The following DIAPH2 variants were observed in gnomAD, a reference collection of about 807,000 sequenced individuals.
DIAPH2 encodes the protein protein diaphanous homolog 2.
Under a neutral mutation model 92.7 loss-of-function variants are expected in DIAPH2, and 35 were observed. The ratio of observed to expected loss-of-function variants is 0.38; its 90% CI spans 0.29 to 0.50. The LOEUF (loss-of-function observed/expected upper bound fraction) is 0.50. DIAPH2 is among the 20% of genes least tolerant of loss of function. DIAPH2 has a pLI of 0.94. For synonymous variants in DIAPH2, 301 were observed against 280.4 expected (o/e 1.07, Z -0.73); for missense variants, 701 against 819.5 (o/e 0.86, Z 1.77).
chrX:97,464,437 A>G (rs1165421685), intron 26 of DIAPH2, among the ~76,000 whole-genome samples: 1 of 110,171 alleles, frequency 9.1e-6, no homozygotes, highest in Non-Finnish European at 1.9e-5. Flanking sequence ...AGATCGCGCC[A>G]TTGGTTTCCT....
chrX:96,855,583 A>G (rs868605649), intron 4 of DIAPH2, among the ~76,000 whole-genome samples: 1 of 108,955 alleles, frequency 9.2e-6, no homozygotes, highest in African/African-American at 3.3e-5. Flanking sequence ...TATAAATATA[A>G]ATATAGATAT....
At chrX:96,992,747 G>C (rs1303540505) in intron 17 of DIAPH2, among the ~76,000 whole-genome samples, 1 of 112,061 alleles carries the variant, frequency 8.9e-6, no homozygotes. Context: ...TACAGCTCAG[G>C]GAATAAGATG....
In DIAPH2 at chrX:96,763,059, T is replaced by G; in HGVS notation, c.447+4801T>G. On this transcript the variant is annotated intron_variant, in intron 4 of 26. Coordinates refer to ENST00000324765, the MANE Select transcript of DIAPH2 (RefSeq NM_006729.5). ...ACTAATATTGTTGCTGTTTGTTTTT[T>G]TTTTACACCATAACCACTCTTCGTT... The G allele has an allele frequency of 3.2e-6, 3 of 945,657 alleles. No homozygotes were observed. In the South Asian group the frequency reaches 6.6e-5, roughly 21 times the overall value. 77.9% of individuals were successfully genotyped at this position (945,657 alleles called of 1,213,427 possible). A position where few individuals can be genotyped will look rare whatever the true frequency, so the allele number is the denominator to read the frequency against.
At chrX:97,264,390 G>A (rs2068316983) in intron 23 of DIAPH2, among the ~76,000 whole-genome samples, 1 of 110,900 alleles carries the variant, frequency 9.0e-6, no homozygotes, top group South Asian at 3.8e-4. Flanking sequence ...CAGTCATTCT[G>A]TGTACATATA....
chrX:97,237,736 C>T lies in DIAPH2; in HGVS notation c.2720-9979C>T, dbSNP rs113404421. 2.4e-3 allele frequency among the ~76,000 whole-genome samples: 270 copies of T among 110,399 alleles called. 2 individuals are homozygous for T. The highest frequency in any genetic ancestry group is 8.3e-3 in the African/African-American group (251 of 30,363). Reference sequence around the variant, plus strand: ...AGCTGGTACCACAGGCGCCTGCCACCGCGCCTGGCTAATTTTTTGTATTTT... The same window carrying T: ...AGCTGGTACCACAGGCGCCTGCCACTGCGCCTGGCTAATTTTTTGTATTTT... On this transcript the variant is annotated intron_variant, in intron 22 of 26. Coordinates refer to ENST00000324765, the MANE Select transcript of DIAPH2 (RefSeq NM_006729.5).
intron 23 of DIAPH2, among the ~76,000 whole-genome samples, chrX:97,267,709 C>T (rs190735853): frequency 8.9e-6 from 1 of 111,902 alleles, no homozygotes; most frequent in Non-Finnish European, 1.9e-5. Flanking sequence ...ATGGAAAACT[C>T]ATGTCACAGC....
At chrX:97,502,301 A>G (rs977392043) in intron 26 of DIAPH2, among the ~76,000 whole-genome samples, 8 of 112,335 alleles carry the variant, frequency 7.1e-5, no homozygotes, top group Middle Eastern at 4.2e-3. Context: ...TAAAGGCTTC[A>G]TATTGCATTT....
intron 4 of DIAPH2, among the ~76,000 whole-genome samples, chrX:96,865,398 A>G (rs1037346620): frequency 8.9e-6 from 1 of 112,205 alleles, no homozygotes; most frequent in Non-Finnish European, 1.9e-5. Flanking sequence ...AAGAGGGGAT[A>G]TTTGAATGAT....
intron 23 of DIAPH2, among the ~76,000 whole-genome samples, chrX:97,343,761 T>C (rs2069133570): frequency 9.0e-6 from 1 of 111,089 alleles, no homozygotes. Context: ...AAACTTTTCA[T>C]TTCTGTGTCA....
intron 22 of DIAPH2, among the ~76,000 whole-genome samples, chrX:97,179,304 T>C (rs1428160513): frequency 9.4e-6 from 1 of 106,365 alleles, no homozygotes; most frequent in Non-Finnish European, 1.9e-5. Context: ...GTTTGTTACA[T>C]AGGTATACAT....
intron 21 of DIAPH2, among the ~76,000 whole-genome samples, chrX:97,130,255 G>C (rs189727712): frequency 8.9e-6 from 1 of 111,757 alleles, no homozygotes; most frequent in Non-Finnish European, 1.9e-5. Context: ...CCACTTCTGG[G>C]CATATACATA....
chrX:97,484,382 T>G (rs780875883), intron 26 of DIAPH2, among the ~76,000 whole-genome samples: 2 of 112,155 alleles, frequency 1.8e-5, no homozygotes, highest in Non-Finnish European at 3.8e-5. Flanking sequence ...CCTAATAGGG[T>G]TATTCTGAGA....
Position 97,266,751 on chromosome X carries a change from TTTTTA to T in DIAPH2, c.2844+18917_2844+18921del, listed in dbSNP as rs766816605. ...ACAAGAAATATGATTATAAATATAGTTTTTATTTTTTACTGTGGGTAGGATGTTTT... is the reference window on the plus strand; with the variant it reads ...ACAAGAAATATGATTATAAATATAGTTTTTTTACTGTGGGTAGGATGTTTT... On this transcript the variant is annotated intron_variant, in intron 23 of 26. Transcript: ENST00000324765. Among the ~76,000 whole-genome samples the T allele has an allele frequency of 5.6e-3, 627 of 111,989 alleles. 2 individuals are homozygous for T. Among genetic ancestry groups the T allele is most frequent in the African/African-American group, 0.019 (591 of 30,912 alleles).
chrX:97,353,249 A>G (rs2069235420), intron 24 of DIAPH2, among the ~76,000 whole-genome samples: 1 of 110,971 alleles, frequency 9.0e-6, no homozygotes, highest in African/African-American at 3.3e-5. Context: ...AGTTGACTGC[A>G]CAAATAGTCT....
intron 23 of DIAPH2, among the ~76,000 whole-genome samples, chrX:97,292,500 C>T (rs1295578296): frequency 9.0e-6 from 1 of 110,564 alleles, no homozygotes; most frequent in Non-Finnish European, 1.9e-5. Flanking sequence ...ACATGCATCA[C>T]TCTTTTAGCC....
chrX:97,217,040 G>A (rs1183196702), intron 22 of DIAPH2, among the ~76,000 whole-genome samples: 1 of 111,582 alleles, frequency 9.0e-6, no homozygotes, highest in Non-Finnish European at 1.9e-5. Context: ...AATTGGTTTA[G>A]CATGAAAAAA....
intron 26 of DIAPH2, chrX:97,528,535 G>A (rs779461460): frequency 9.0e-6 from 1 of 111,318 alleles, no homozygotes; most frequent in Non-Finnish European, 1.9e-5. Context: ...AGAGGGAAGG[G>A]AGCTTACAGG....
At chrX:97,229,654 T>C (rs970596249) in intron 22 of DIAPH2, among the ~76,000 whole-genome samples, 2 of 109,850 alleles carry the variant, frequency 1.8e-5, no homozygotes, top group African/African-American at 6.6e-5. Flanking sequence ...GATATGATGC[T>C]TATGAAGACA....
chrX:96,926,586 T>C (rs1298631891), intron 9 of DIAPH2, among the ~76,000 whole-genome samples: 1 of 111,583 alleles, frequency 9.0e-6, no homozygotes, highest in Non-Finnish European at 1.9e-5. Flanking sequence ...TAAATTGTTA[T>C]AGTAAAGGAA....
Sources: gnomAD v4.1 joint callset for allele counts (sites outside exome capture counted in the v4.1 genomes callset) on GRCh38, gnomAD v4.1.1 for gene constraint, MANE v1.5 for transcripts, NCBI Gene and HGNC (gene_info 2026-07-23, HGNC 2026-07-21) for gene names.